The following MEIOB variants were observed in gnomAD, a reference collection of about 807,000 sequenced individuals.
The protein encoded by MEIOB is meiosis specific with OB-fold.
Under a neutral mutation model 53.1 loss-of-function variants are expected in MEIOB, and 50 were observed. The observed-to-expected ratio is 0.94, with a 90% CI of 0.75 to 1.19. The LOEUF (loss-of-function observed/expected upper bound fraction) is 1.19. Among genes scored for constraint, MEIOB ranks in the 50% most tolerant of loss-of-function variants. The pLI is 0.00. For missense variants in MEIOB, 551 were observed against 550.8 expected, an observed-to-expected ratio of 1.00 and a Z score of 0.00; for synonymous variants, 192 against 182.5, an observed-to-expected ratio of 1.05 and a Z score of -0.42.
chr16:1,853,060 T>G lies in MEIOB; in HGVS notation c.757A>C (p.Thr253Pro). The G allele has an allele frequency of 6.2e-7, 1 of 1,610,940 alleles. No homozygotes were observed. Among genetic ancestry groups the G allele is most frequent in the Non-Finnish European group, 8.5e-7 (1 of 1,177,484 alleles). The change falls in exon 9 of 14, where the codon ACC becomes CCC. Residue 253 changes from threonine to proline, a missense_variant. Thr to Pro is a conservative substitution (Grantham distance 38). Transcript: ENST00000325962. ...TTACCTGGATTAGTTGTAATAATGG[T>G]TTTTGAGATTACAGTTGCTGTCATG... ...NCMTATVISK[T>P]IITTNPDIPE...
Position 1,839,300 on chromosome 16 carries a change from G to T in MEIOB, c.1173C>A (p.Ser391=), listed in dbSNP as rs1385618274. The change falls in exon 12 of 14, where the codon TCC becomes TCA. Residue 391 remains serine, a synonymous_variant. Coordinates refer to ENST00000325962, the MANE Select transcript of MEIOB (RefSeq NM_001163560.3). ...CAGCAACACTTCCTGTGAGACTACA[G>T]GAATGAAGGGTGCCTGTGTGATCAG... The part of the protein sequence containing the change: ...DLTDHTGTLH[S]CSLTGSVAEE... The T allele has an allele frequency of 6.2e-7, 1 of 1,613,992 alleles. No individual in the cohort carries two copies. The highest frequency in any genetic ancestry group is 1.7e-5 in the Admixed American group (1 of 59,978).
At chr16:1,841,463 T>C (rs1290075845) in intron 11 of MEIOB, among the ~76,000 whole-genome samples, 1 of 152,214 alleles carries the variant, frequency 6.6e-6, no homozygotes, top group Non-Finnish European at 1.5e-5. Context: ...TACAGGCGCA[T>C]GCTACTGCAC....
intron 9 of MEIOB, among the ~76,000 whole-genome samples, chr16:1,845,826 T>C (rs901053696): frequency 1.3e-5 from 2 of 152,156 alleles, no homozygotes; most frequent in African/African-American, 4.8e-5. Context: ...TCCCCCATGA[T>C]GCCCTTGGAC....
intron 7 of MEIOB, 27 bp from the exon 8 acceptor site, chr16:1,853,298 C>A (rs368932183): frequency 2.0e-6 from 3 of 1,484,634 alleles, no homozygotes; most frequent in African/African-American, 2.8e-5. Flanking sequence ...AGAAGTAATA[C>A]AAATTGAATA....
At chr16:1,857,055 C>G (rs1899326352) in intron 6 of MEIOB, among the ~76,000 whole-genome samples, 1 of 152,206 alleles carries the variant, frequency 6.6e-6, no homozygotes, top group African/African-American at 2.4e-5. Flanking sequence ...AGCCACTGTG[C>G]CTGGACTAAT....
chr16:1,858,650 C>T (rs969208233), intron 5 of MEIOB, among the ~76,000 whole-genome samples: 3 of 152,172 alleles, frequency 2.0e-5, no homozygotes, highest in African/African-American at 7.2e-5. Context: ...GGCTACCAGT[C>T]ACAAAGGAAA....
Position 1,837,848 on chromosome 16 carries a change from G to A in MEIOB, c.1241C>T (p.Thr414Ile). ...GCTVHEFLAM[T>I]DEQKTALKWQ... Reference sequence around the variant, plus strand: ...CTTTAATGCTGTTTTCTGTTCATCTGTCATTGCAAGAAACTCATGTACCTG... The same window carrying A: ...CTTTAATGCTGTTTTCTGTTCATCTATCATTGCAAGAAACTCATGTACCTG... The change falls in exon 13 of 14, where the codon ACA becomes ATA. Residue 414 changes from threonine to isoleucine, a missense_variant. Coordinates refer to ENST00000325962, the MANE Select transcript of MEIOB (RefSeq NM_001163560.3). 6.5e-7 allele frequency: 1 copy of A among 1,532,586 alleles called. No individual in the cohort carries two copies. Among genetic ancestry groups the A allele is most frequent in the East Asian group, 2.5e-5 (1 of 40,730 alleles). The allele number at this position is 1,532,586 out of a possible 1,614,324, so 94.9% of individuals were successfully genotyped here.
chr16:1,841,693 C>G, intron 11 of MEIOB, 127 bp downstream of exon 11: 1 of 545,098 alleles, frequency 1.8e-6, no homozygotes, highest in East Asian at 3.3e-5. Context: ...GTTTTTTACA[C>G]ATTTATCTCC....
At chr16:1,868,316 G>A (rs1899645879) in intron 1 of MEIOB, 132 bp from the exon 2 acceptor site, 2 of 462,484 alleles carry the variant, frequency 4.3e-6, no homozygotes, top group South Asian at 2.7e-5. Flanking sequence ...CAGCACTTTG[G>A]GAGGCTGAAG....
rs779895795 is a variant in MEIOB, at chr16:1,853,141, G to T, written c.683-7C>A. ...ACATCTGAGGCAAATATTACTGTTT[G>T]GGAAAAAAGCCATTTAAAATTATTA... On this transcript the variant is annotated splice_region_variant and splice_polypyrimidine_tract_variant and intron_variant, in intron 8 of 13. Transcript: ENST00000325962. The T allele has an allele frequency of 1.2e-6, 2 of 1,604,466 alleles. No individual in the cohort carries two copies. Among genetic ancestry groups the T allele is most frequent in the Non-Finnish European group, 1.7e-6 (2 of 1,173,132 alleles).
At position 1,839,294 on chromosome 16, in the gene MEIOB, A is replaced by G. The variant is rs971645189; in HGVS notation, c.1179T>C (p.Ser393=). 1 of 1,613,832 alleles carries G rather than the reference A, an allele frequency of 6.2e-7. No homozygotes were observed. The highest frequency in any genetic ancestry group is 8.5e-7 in the Non-Finnish European group (1 of 1,179,904). Residue 393 remains serine (S), a synonymous_variant, in exon 12 of 14, where the codon AGT becomes AGC. Coordinates refer to ENST00000325962, the MANE Select transcript of MEIOB (RefSeq NM_001163560.3). ...TCTCCTCAGCAACACTTCCTGTGAGACTACAGGAATGAAGGGTGCCTGTGT... is the reference window on the plus strand; with the variant it reads ...TCTCCTCAGCAACACTTCCTGTGAGGCTACAGGAATGAAGGGTGCCTGTGT... ...TDHTGTLHSC[S]LTGSVAEETL...
chr16:1,864,482 CTTTTCTTTT>C (rs1413855653), intron 3 of MEIOB, among the ~76,000 whole-genome samples: 2 of 35,418 alleles, frequency 5.6e-5, no homozygotes, highest in Non-Finnish European at 1.2e-4. Context: ...ATTTCTTTTT[CTTTTCTTTT>C]TTTTTTTTTT....
In MEIOB at chr16:1,847,944, T is replaced by TTTA. The variant is rs555104044; in HGVS notation, c.779-2984_779-2982dup. Among the ~76,000 whole-genome samples the TTTA allele has an allele frequency of 4.7e-4, 71 of 152,084 alleles. 1 individual carries two copies. Among genetic ancestry groups the TTTA allele is most frequent in the African/African-American group, 1.5e-3 (61 of 41,492 alleles). On this transcript the variant is annotated intron_variant, in intron 9 of 13. Coordinates refer to ENST00000325962, the MANE Select transcript of MEIOB (RefSeq NM_001163560.3). Reference sequence around the variant, plus strand: ...TCCAAAGTAACAATCATGGCTTTATTTTATTATTATTATTATTTTTTGAGA... The same window carrying TTTA: ...TCCAAAGTAACAATCATGGCTTTATTTTATTATTATTATTATTATTTTTTGAGA...
chr16:1,869,076 T>C (rs1018824244), intron 1 of MEIOB, among the ~76,000 whole-genome samples: 2 of 152,122 alleles, frequency 1.3e-5, no homozygotes, highest in African/African-American at 4.8e-5. Flanking sequence ...TTAGTAGTTT[T>C]TGAGCACCAT....
At chr16:1,836,457 G>T (rs1200942878) in intron 13 of MEIOB, among the ~76,000 whole-genome samples, 1 of 152,170 alleles carries the variant, frequency 6.6e-6, no homozygotes, top group Non-Finnish European at 1.5e-5. Flanking sequence ...AGTATACAGG[G>T]TCGGTCAAGG....
At position 1,844,905 on chromosome 16, in the gene MEIOB, A is replaced by G; in HGVS notation, c.837T>C (p.Val279=). ...NFIRENKETN[V]LDDEIDSYFK... The stretch of plus-strand genomic sequence containing the variant: ...AATAACTGTCAATTTCATCATCCAG[A>G]ACATTCGTTTCTTTATTTTCTCGTA... The change falls in exon 10 of 14, where the codon GTT becomes GTC. Residue 279 remains valine, a synonymous_variant. Transcript: ENST00000325962. 1 of 1,565,320 alleles carries G rather than the reference A, an allele frequency of 6.4e-7. No individual in the cohort carries two copies. The highest frequency in any genetic ancestry group is 8.8e-7 in the Non-Finnish European group (1 of 1,140,612).
chr16:1,865,307 C>T (rs1322611087), intron 3 of MEIOB, among the ~76,000 whole-genome samples: 1 of 152,022 alleles, frequency 6.6e-6, no homozygotes, highest in African/African-American at 2.4e-5. Flanking sequence ...TGGCATGTGC[C>T]TGTAATTCCA....
At chr16:1,843,878 G>A (rs1898970382) in intron 10 of MEIOB, among the ~76,000 whole-genome samples, 1 of 151,902 alleles carries the variant, frequency 6.6e-6, no homozygotes, top group African/African-American at 2.4e-5. Context: ...ATATTACTTG[G>A]GTTAGAAAAC....
intron 5 of MEIOB, among the ~76,000 whole-genome samples, chr16:1,859,612 T>A (rs1899392460): frequency 6.6e-6 from 1 of 152,056 alleles, no homozygotes; most frequent in African/African-American, 2.4e-5. Context: ...ACGGTGTTCA[T>A]GAAATATAAA....
Sources: allele counts gnomAD v4.1 joint callset (sites outside exome capture counted in the v4.1 genomes callset), GRCh38; gene constraint gnomAD v4.1.1; transcripts MANE v1.5; gene names NCBI Gene and HGNC (gene_info 2026-07-23, HGNC 2026-07-21).